Variants in MACF1 observed in about 807,000 individuals in gnomAD.
MACF1 encodes the protein microtubule-actin cross-linking factor 1.
In MACF1, 193 loss-of-function variants were observed where a neutral mutation model predicts 854.8. The observed-to-expected ratio is 0.23, with a 90% confidence interval of 0.20 to 0.25. The LOEUF (loss-of-function observed/expected upper bound fraction) is 0.25. Ranked by LOEUF, MACF1 falls within the 10% of genes least tolerant of loss-of-function variation. The pLI, the probability that MACF1 is intolerant of heterozygous loss-of-function variation, is 1.00. For synonymous variants in MACF1, 3,185 were observed against 3,226.7 expected, an observed-to-expected ratio of 0.99 and a Z score of 0.44; for missense variants, 7,722 against 8,929.1, an observed-to-expected ratio of 0.86 and a Z score of 5.45.
intron 1 of MACF1, among the ~76,000 whole-genome samples, chr1:39,215,586 G>A (rs1207606121): frequency 6.6e-6 from 1 of 152,094 alleles, no homozygotes; most frequent in East Asian, 1.9e-4. Context: ...AGATTGGGGT[G>A]CCCTACTTCC....
At chr1:39,274,148 TACTA>T in intron 6 of MACF1, among the ~76,000 whole-genome samples, 1 of 152,168 alleles carries the variant, frequency 6.6e-6, no homozygotes, top group Non-Finnish European at 1.5e-5. Flanking sequence ...GGACTTATTA[TACTA>T]TTCTGTCTCC....
rs766597569 is a variant in MACF1 at position 39,484,843 on chromosome 1, A to T, written c.22411+113A>T. The T allele has an allele frequency of 5.6e-6, 7 of 1,247,986 alleles. No homozygotes were observed. In the Middle Eastern group the frequency reaches 1.4e-3, roughly 248 times the overall value. 77.3% of individuals were successfully genotyped at this position (1,247,986 alleles called of 1,614,324 possible). A position where few individuals can be genotyped will look rare whatever the true frequency, so the allele number is the denominator to read the frequency against. On this transcript the variant is annotated intron_variant, in intron 100 of 100. Transcript: ENST00000564288. ...GGTAATGAGAGTGGCACTTAGTGTGATGCCCAGAAAGACAGACCTGCAGAT... is the reference window on the plus strand; with the variant it reads ...GGTAATGAGAGTGGCACTTAGTGTGTTGCCCAGAAAGACAGACCTGCAGAT...
chr1:39,469,726 G>GC (rs908911361), intron 97 of MACF1, 111 bp downstream of exon 97: 1 of 814,650 alleles, frequency 1.2e-6, no homozygotes, highest in Non-Finnish European at 2.1e-6. Flanking sequence ...ATTCATGAAT[G>GC]CTTGAAATGG....
At chr1:39,463,715 T>G in intron 94 of MACF1, 29 bp downstream of exon 94, 2 of 1,597,526 alleles carry the variant, frequency 1.3e-6, no homozygotes, top group Admixed American at 3.3e-5. Context: ...AGTCCTTTGT[T>G]GTGGTGGTTT....
intron 58 of MACF1, among the ~76,000 whole-genome samples, chr1:39,395,833 C>A (rs757435456): frequency 6.6e-5 from 10 of 152,152 alleles, no homozygotes; most frequent in Non-Finnish European, 1.5e-5. Context: ...CATGTTGAAC[C>A]TTTTCCAGCT....
In MACF1 at chr1:39,315,694, G is replaced by A. The variant is rs1286446811; in HGVS notation, c.3449+3G>A. 6.8e-6 allele frequency: 11 copies of A among 1,612,708 alleles called. No homozygotes were observed. The Admixed American group carries it at 1.7e-4, about 24-fold the overall frequency. On this transcript the variant is annotated splice_donor_region_variant and intron_variant, in intron 27 of 100. Coordinates refer to ENST00000564288, the MANE Select transcript of MACF1 (RefSeq NM_001394062.1). ...CTCTCTACTGTATATCTGAATAAGT[G>A]AGTGAGCTGAGGTTTTGGGTCCAAG...
intron 2 of MACF1, among the ~76,000 whole-genome samples, chr1:39,119,747 C>T (rs1411993355): frequency 6.6e-6 from 1 of 152,098 alleles, no homozygotes; most frequent in East Asian, 1.9e-4. Context: ...TTTTCCCGTC[C>T]ATCCAGTGGA....
At chr1:39,112,336 G>T (rs1000460567) in intron 2 of MACF1, among the ~76,000 whole-genome samples, 1 of 151,752 alleles carries the variant, frequency 6.6e-6, no homozygotes, top group African/African-American at 2.4e-5. Context: ...TGCCCTCCTC[G>T]ACCTCTCAAA....
intron 58 of MACF1, among the ~76,000 whole-genome samples, chr1:39,390,082 C>T (rs140790538): frequency 2.0e-5 from 3 of 152,320 alleles, no homozygotes; most frequent in African/African-American, 7.2e-5. Flanking sequence ...TCTTGGTTCT[C>T]ACTATATTAA....
intron 2 of MACF1, among the ~76,000 whole-genome samples, chr1:39,111,981 A>T (rs12124345): frequency 0.088 from 13,268 of 151,500 alleles, 636 homozygotes; most frequent in African/African-American, 0.097. Flanking sequence ...TCTCTTCTCC[A>T]TTTGGACTGG....
intron 43 of MACF1, among the ~76,000 whole-genome samples, chr1:39,352,803 T>G (rs1176889542): frequency 6.6e-6 from 1 of 151,702 alleles, no homozygotes; most frequent in Non-Finnish European, 1.5e-5. Context: ...AGCAGTAAGA[T>G]ATAATGAAAT....
intron 6 of MACF1, among the ~76,000 whole-genome samples, chr1:39,273,887 G>A (rs1423478018): frequency 6.6e-6 from 1 of 152,180 alleles, no homozygotes; most frequent in African/African-American, 2.4e-5. Flanking sequence ...ACCGCGCCCA[G>A]CCTTGTTTCT....
chr1:39,185,941 A>G (rs1289027872), intron 2 of MACF1, among the ~76,000 whole-genome samples: 1 of 152,126 alleles, frequency 6.6e-6, no homozygotes, highest in African/African-American at 2.4e-5. Context: ...CCTGAGGGTA[A>G]TCTGTGGTGA....
intron 31 of MACF1, 44 bp downstream of exon 31, chr1:39,319,791 T>TC (rs780287846): frequency 7.1e-7 from 1 of 1,400,610 alleles, no homozygotes; most frequent in East Asian, 2.3e-5. Context: ...CATCACCAGC[T>TC]CAGGAAAACC....
chr1:39,410,720 T>C (rs776263715), intron 58 of MACF1: 1 of 1,613,792 alleles, frequency 6.2e-7, no homozygotes, highest in African/African-American at 1.3e-5. Context: ...GAAGCTTCTC[T>C]CAGTGAGGTT....
At chr1:39,417,520 G>GATTC (rs1400027689) in intron 58 of MACF1, among the ~76,000 whole-genome samples, 1 of 151,564 alleles carries the variant, frequency 6.6e-6, no homozygotes, top group African/African-American at 2.4e-5. Context: ...TGTGTACAAG[G>GATTC]ATTCATTCAT....
chr1:39,092,693 C>G (rs922321032), intron 2 of MACF1, among the ~76,000 whole-genome samples: 1 of 152,204 alleles, frequency 6.6e-6, no homozygotes, highest in African/African-American at 2.4e-5. Context: ...CACCCAGAAA[C>G]AAGAATGATC....
Position 39,361,446 on chromosome 1 carries a change from T to C in MACF1, c.12540T>C (p.Ser4180=). Residue 4180 remains serine, a synonymous_variant, in exon 49 of 101, where the codon AGT becomes AGC. Transcript: ENST00000564288. The part of the protein sequence containing the change: ...MVTRFMETAD[S]TTAAVLQGKL... Reference sequence around the variant, plus strand: ...CCCGATTCATGGAGACAGCAGACAGTACTACAGCAGCAGTGCTGCAGGGCA... The same window carrying C: ...CCCGATTCATGGAGACAGCAGACAGCACTACAGCAGCAGTGCTGCAGGGCA... The C allele has an allele frequency of 8.1e-6, 13 of 1,614,148 alleles. No individual in the cohort carries two copies. Among genetic ancestry groups the C allele is most frequent in the Non-Finnish European group, 1.1e-5 (13 of 1,180,024 alleles).
upstream of MACF1, among the ~76,000 whole-genome samples, chr1:39,203,499 C>T (rs1050611572): frequency 6.6e-6 from 1 of 152,230 alleles, no homozygotes; most frequent in Non-Finnish European, 1.5e-5. Context: ...GCCACTGCAT[C>T]TGGCCTGATT....
Sources: gnomAD v4.1 joint callset for allele counts (sites outside exome capture counted in the v4.1 genomes callset) on GRCh38, gnomAD v4.1.1 for gene constraint, MANE v1.5 for transcripts, NCBI Gene and HGNC (gene_info 2026-07-23, HGNC 2026-07-21) for gene names.